IFI30: variants seen among roughly 807,000 people sequenced by gnomAD.
The protein encoded by IFI30 is gamma-interferon-inducible lysosomal thiol reductase.
In IFI30, 26 loss-of-function variants were observed where a neutral mutation model predicts 30.1. The ratio of observed to expected loss-of-function variants is 0.87; its 90% CI spans 0.63 to 1.20. The LOEUF (loss-of-function observed/expected upper bound fraction) is 1.20. Among genes scored for constraint, IFI30 ranks in the 50% most tolerant of loss-of-function variants. The pLI is 0.00. For synonymous variants in IFI30, 149 were observed against 134.5 expected, an observed-to-expected ratio of 1.11 and a Z score of -0.75; for missense variants, 296 against 312.5, an observed-to-expected ratio of 0.95 and a Z score of 0.40.
At chr19:18,177,492 G>A (rs993261346) in intron 5 of IFI30, 200 bp downstream of exon 5, 6 of 782,446 alleles carry the variant, frequency 7.7e-6, no homozygotes, top group African/African-American at 5.2e-5. Flanking sequence ...CTGGGGTTTT[G>A]AAAGGTGAGT....
Position 18,175,295 on chromosome 19 carries a change from C to A in IFI30, c.316-16C>A. ...GACCCAGCCTACCAGCAGGCTCTCA[C>A]CCTGCTGCCTTGCAGGAACAAAATG... On this transcript the variant is annotated splice_polypyrimidine_tract_variant and intron_variant, in intron 2 of 6. Transcript: ENST00000407280. 1.3e-6 allele frequency: 2 copies of A among 1,580,948 alleles called. No homozygotes were observed. The highest frequency in any genetic ancestry group is 1.7e-6 in the Non-Finnish European group (2 of 1,164,132).
chr19:18,175,651 T>C lies in IFI30; in HGVS notation c.437T>C (p.Ile146Thr). The change falls in exon 4 of 7, where the codon ATT becomes ACT. Residue 146 changes from isoleucine (I) to threonine (T), a missense_variant. By Grantham distance (89) the Ile-to-Thr change is moderately conservative (BLOSUM62 -1). Transcript: ENST00000407280. Reference protein sequence around the residue: ...ELDMELAFLTIVCMEEFEDME... With the variant: ...ELDMELAFLTTVCMEEFEDME... ...GACATGGAGCTAGCCTTCCTGACCA[T>C]TGTCTGCATGGAAGAGTTTGAGGAC... 3 of 1,610,890 alleles carry C rather than the reference T, an allele frequency of 1.9e-6. No homozygotes were observed. The highest frequency in any genetic ancestry group is 1.6e-4 in the Middle Eastern group (1 of 6,062).
Position 18,177,202 on chromosome 19 carries a change from C to T in IFI30, c.546C>T (p.Asp182=), listed in dbSNP as rs757432545. The part of the protein sequence containing the change: ...PDTIMECAMG[D]RGMQLMHANA... ...CTATCATGGAGTGTGCAATGGGGGA[C>T]CGCGGCATGCAGCTCATGCACGCCA... The change falls in exon 5 of 7, where the codon GAC becomes GAT. Residue 182 remains aspartate, a synonymous_variant. Coordinates refer to ENST00000407280, the MANE Select transcript of IFI30 (RefSeq NM_006332.5). 2.5e-6 allele frequency: 4 copies of T among 1,587,042 alleles called. No homozygotes were observed. The African/African-American group carries it at 5.4e-5, about 21-fold the overall frequency.
intron 5 of IFI30, 24 bp downstream of exon 5, chr19:18,177,316 C>G (rs1267664787): frequency 2.6e-6 from 4 of 1,566,978 alleles, no homozygotes; most frequent in Non-Finnish European, 3.5e-6. Flanking sequence ...TAGCCCTCAG[C>G]TTGACACTCA....
intron 4 of IFI30, among the ~76,000 whole-genome samples, chr19:18,176,818 ATGAAGGGTG>A (rs1332272825): frequency 6.6e-6 from 1 of 152,118 alleles, no homozygotes; most frequent in Non-Finnish European, 1.5e-5. Context: ...TGGAAGGAGG[ATGAAGGGTG>A]TTCCTGGCAG....
chr19:18,176,425 G>C (rs1485525549), intron 4 of IFI30, among the ~76,000 whole-genome samples: 2 of 152,038 alleles, frequency 1.3e-5, no homozygotes, highest in Admixed American at 1.3e-4. Flanking sequence ...AAGGATTACA[G>C]GTGTAAGCCA....
intron 5 of IFI30, 26 bp from the exon 6 acceptor site, chr19:18,177,685 T>C (rs764970320): frequency 1.6e-5 from 26 of 1,612,836 alleles, no homozygotes; most frequent in East Asian, 1.6e-4. Flanking sequence ...GCTGGGAATA[T>C]GCGACCCCTG....
chr19:18,174,858 G>A (rs1600000831), intron 1 of IFI30, 182 bp from the exon 2 acceptor site: 1 of 564,706 alleles, frequency 1.8e-6, no homozygotes, highest in East Asian at 2.9e-5. Context: ...GCGACAGTGA[G>A]ACTCCATCTC....
intron 3 of IFI30, 87 bp downstream of exon 3, chr19:18,175,472 T>C: frequency 1.4e-6 from 2 of 1,404,464 alleles, no homozygotes; most frequent in Non-Finnish European, 2.0e-6. Flanking sequence ...CTCTGTCTTC[T>C]GCCTCGTGTG....
At position 18,177,831 on chromosome 19, in the gene IFI30, C is replaced by T. The variant is rs372016608; in HGVS notation, c.691-18C>T. On this transcript the variant is annotated intron_variant, in intron 6 of 6. Transcript: ENST00000407280. ...AGGGTCTCCTTCCAGGACCCCAACT[C>T]ATGGCCTTCACCTCCAGGGCAAGAA... 4 of 1,605,734 alleles carry T rather than the reference C, an allele frequency of 2.5e-6. No homozygotes were observed. The African/African-American group carries it at 4.0e-5, about 16-fold the overall frequency.
chr19:18,176,468 C>T (rs997506297), intron 4 of IFI30, among the ~76,000 whole-genome samples: 2 of 152,120 alleles, frequency 1.3e-5, no homozygotes, highest in Admixed American at 1.3e-4. Flanking sequence ...CTCTTGAAGC[C>T]TCCATCTCTG....
chr19:18,176,992 C>T, intron 4 of IFI30, 148 bp from the exon 5 acceptor site: 1 of 811,732 alleles, frequency 1.2e-6, no homozygotes, highest in East Asian at 2.8e-5. Flanking sequence ...TATTGAGCAC[C>T]TGCTGTTTGT....
At position 18,175,211 on chromosome 19, in the gene IFI30, G is replaced by A. The variant is rs565630324; in HGVS notation, c.304G>A (p.Gly102Arg). ...CCTCAATGTCACGCTGGTGCCCTAC[G>A]GAAACGCACAGGTGTGTGGGCGCTG... ...EILNVTLVPY[G>R]NAQEQNVSGR... The change falls in exon 2 of 7, where the codon GGA becomes AGA. Residue 102 changes from glycine (G) to arginine (R), a missense_variant. By Grantham distance (125) the Gly-to-Arg change is moderately radical (BLOSUM62 -2). Transcript: ENST00000407280. 5.0e-5 allele frequency: 79 copies of A among 1,584,990 alleles called. 1 individual carries two copies. Among genetic ancestry groups the A allele is most frequent in the South Asian group, 4.9e-4 (43 of 87,340 alleles).
rs764907828 is a variant in IFI30, at chr19:18,175,223, G to A, written c.315+1G>A. The stretch of plus-strand genomic sequence containing the variant: ...GCTGGTGCCCTACGGAAACGCACAG[G>A]TGTGTGGGCGCTGGGGAAACTGAGG... On this transcript the variant is annotated splice_donor_variant, in intron 2 of 6. Transcript: ENST00000407280. LOFTEE classifies it high-confidence loss of function. The A allele has an allele frequency of 6.3e-6, 10 of 1,579,818 alleles. No homozygotes were observed. In the Admixed American group the frequency reaches 1.7e-4, roughly 27 times the overall value.
chr19:18,173,960 C>T lies in IFI30; in HGVS notation c.119C>T (p.Pro40Leu), dbSNP rs751571473. ...QALDFFGNGP[P>L]VNYKTGNLYL... is the part of the protein sequence containing the mutation. ...TTAGACTTCTTTGGGAATGGGCCAC[C>T]AGTTAACTACAAGGTAGGGACGGCG... The change falls in exon 1 of 7, where the codon CCA becomes CTA. Residue 40 changes from proline to leucine, a missense_variant. Transcript: ENST00000407280. 18 of 1,551,132 alleles carry T rather than the reference C, an allele frequency of 1.2e-5. No individual in the cohort carries two copies. The South Asian group carries it at 1.9e-4, about 16-fold the overall frequency.
chr19:18,173,991 G>T lies in IFI30; in HGVS notation c.132+18G>T, dbSNP rs771537773. 33 of 1,546,750 alleles carry T rather than the reference G, an allele frequency of 2.1e-5. No homozygotes were observed. The highest frequency in any genetic ancestry group is 2.7e-5 in the Non-Finnish European group (31 of 1,144,736). On this transcript the variant is annotated intron_variant, in intron 1 of 6. Coordinates refer to ENST00000407280, the MANE Select transcript of IFI30 (RefSeq NM_006332.5). ...ACTACAAGGTAGGGACGGCGACAGG[G>T]CGGGCAGGCTGGAGGGAACAGGCGC...
chr19:18,175,185 T>C lies in IFI30; in HGVS notation c.278T>C (p.Ile93Thr), dbSNP rs1370203770. The change falls in exon 2 of 7, where the codon ATC (isoleucine) becomes ACC (threonine). Residue 93 changes from isoleucine (I) to threonine (T), a missense_variant. By Grantham distance (89) the Ile-to-Thr change is moderately conservative (BLOSUM62 -1). Coordinates refer to ENST00000407280, the MANE Select transcript of IFI30 (RefSeq NM_006332.5). ...LFPTWLLVME[I>T]LNVTLVPYGN... ...CCAACATGGCTGTTGGTCATGGAGA[T>C]CCTCAATGTCACGCTGGTGCCCTAC... 6.3e-7 allele frequency: 1 copy of C among 1,599,566 alleles called. No homozygotes were observed. Among genetic ancestry groups the C allele is most frequent in the Non-Finnish European group, 8.5e-7 (1 of 1,173,230 alleles).
rs368484244 is a variant in IFI30 at position 18,175,499 on chromosome 19, T to C, written c.391-106T>C. On this transcript the variant is annotated intron_variant, in intron 3 of 6. Coordinates refer to ENST00000407280, the MANE Select transcript of IFI30 (RefSeq NM_006332.5). ...CCTCGTGTGCTCCCATTTAATCACATCTTTATTCCCTATCTCCTGGGTGGG... is the reference window on the plus strand; with the variant it reads ...CCTCGTGTGCTCCCATTTAATCACACCTTTATTCCCTATCTCCTGGGTGGG... The C allele has an allele frequency of 3.6e-4, 495 of 1,388,072 alleles. No individual in the cohort carries two copies. The African/African-American group carries it at 5.0e-3, about 14-fold the overall frequency. The allele number at this position is 1,388,072 out of a possible 1,614,324, so 86.0% of individuals were successfully genotyped here.
chr19:18,177,058 G>A, intron 4 of IFI30, 82 bp from the exon 5 acceptor site: 1 of 1,394,022 alleles, frequency 7.2e-7, no homozygotes, highest in Non-Finnish European at 9.6e-7. Context: ...TGACGAAACA[G>A]GCTTGGCTCA....
Sources: gnomAD v4.1 joint callset for allele counts (sites outside exome capture counted in the v4.1 genomes callset) on GRCh38, gnomAD v4.1.1 for gene constraint, MANE v1.5 for transcripts, NCBI Gene and HGNC (gene_info 2026-07-23, HGNC 2026-07-21) for gene names.